NFIB: variants seen among roughly 807,000 people sequenced by gnomAD.
NFIB encodes nuclear factor 1 B-type.
In NFIB, 11 loss-of-function variants were observed where a neutral mutation model predicts 61.5. The observed-to-expected ratio is 0.18, with a 90% confidence interval of 0.11 to 0.30. NFIB has a LOEUF of 0.30. NFIB is among the 10% of genes least tolerant of loss of function. The pLI is 1.00. For synonymous variants in NFIB, 260 were observed against 216.5 expected (o/e 1.20, Z -1.76); for missense variants, 471 against 608.9 (o/e 0.77, Z 2.38).
the NFIB span, among the ~76,000 whole-genome samples, chr9:14,476,271 G>A: frequency 6.8e-6 from 1 of 148,000 alleles, no homozygotes; most frequent in Non-Finnish European, 1.5e-5. Context: ...CACCTGGGAA[G>A]ATTAAATGGG....
chr9:14,214,707 G>A (rs1484876317), intron 2 of NFIB, among the ~76,000 whole-genome samples: 1 of 152,168 alleles, frequency 6.6e-6, no homozygotes, highest in Non-Finnish European at 1.5e-5. Flanking sequence ...AATTTGTACT[G>A]TTTCCCATAT....
chr9:14,256,526 A>AG (rs1475888369), intron 2 of NFIB, among the ~76,000 whole-genome samples: 1 of 152,192 alleles, frequency 6.6e-6, no homozygotes, highest in African/African-American at 2.4e-5. Flanking sequence ...TAGAAGATAG[A>AG]GAAAAAAAGG....
intron 2 of NFIB, among the ~76,000 whole-genome samples, chr9:14,222,825 AAAAG>A (rs1265889011): frequency 2.7e-5 from 4 of 150,782 alleles, no homozygotes; most frequent in Admixed American, 6.6e-5. Context: ...AAAGAAAAGA[AAAAG>A]AAATCCGTAT....
intron 3 of NFIB, among the ~76,000 whole-genome samples, chr9:14,173,244 T>C (rs16931417): frequency 0.059 from 8,913 of 152,210 alleles, 793 homozygotes; most frequent in African/African-American, 0.19. Context: ...TTGGCTGACT[T>C]GCTCATTCTC....
chr9:14,134,275 T>A (rs943425738), intron 6 of NFIB, among the ~76,000 whole-genome samples: 1 of 152,184 alleles, frequency 6.6e-6, no homozygotes, highest in South Asian at 2.1e-4. Context: ...ATAAGATCTA[T>A]GCCAATATTT....
upstream of NFIB, among the ~76,000 whole-genome samples, chr9:14,315,342 G>A (rs867214880): frequency 6.6e-6 from 1 of 150,866 alleles, no homozygotes; most frequent in Non-Finnish European, 1.5e-5. Flanking sequence ...CTGAGCGGGA[G>A]GACCGGGCCG....
chr9:14,155,071 A>C (rs2131206896), intron 4 of NFIB, among the ~76,000 whole-genome samples: 1 of 152,290 alleles, frequency 6.6e-6, no homozygotes, highest in East Asian at 1.9e-4. Flanking sequence ...ATACCCTTCA[A>C]AGTTACATAA....
intron 1 of NFIB, among the ~76,000 whole-genome samples, chr9:14,373,302 G>T (rs1204233357): frequency 6.6e-6 from 1 of 152,186 alleles, no homozygotes; most frequent in African/African-American, 2.4e-5. Flanking sequence ...GCATTTATGA[G>T]AACTTACCTT....
the NFIB span, among the ~76,000 whole-genome samples, chr9:14,437,447 C>T: frequency 1.3e-5 from 2 of 152,182 alleles, no homozygotes; most frequent in African/African-American, 2.4e-5. Flanking sequence ...GAAGTTCCTG[C>T]TTGTGCGGGA....
chr9:14,324,357 A>C (rs2060727271), intron 1 of NFIB, among the ~76,000 whole-genome samples: 1 of 152,196 alleles, frequency 6.6e-6, no homozygotes, highest in South Asian at 2.1e-4. Flanking sequence ...ATAACACTTG[A>C]CCAACAGAAG....
chr9:14,398,523 C>T lies in NFIB; in HGVS notation c.108+1G>A. 1 of 1,531,960 alleles carries T rather than the reference C, an allele frequency of 6.5e-7. No individual in the cohort carries two copies. The highest frequency in any genetic ancestry group is 8.7e-7 in the Non-Finnish European group (1 of 1,145,032). The allele number at this position is 1,531,960 out of a possible 1,614,324, so 94.9% of individuals were successfully genotyped here. On this transcript the variant is annotated splice_donor_variant, in intron 1 of 8. Transcript: ENST00000380934. LOFTEE classifies it high-confidence loss of function. Reference sequence around the variant, plus strand: ...GTTAAATTTGTGAAATTTAGACTCACAGAAAATCCAAAGCACAGAGTTGAC... The same window carrying T: ...GTTAAATTTGTGAAATTTAGACTCATAGAAAATCCAAAGCACAGAGTTGAC...
chr9:14,390,486 A>G (rs1433995221), intron 1 of NFIB, among the ~76,000 whole-genome samples: 1 of 152,214 alleles, frequency 6.6e-6, no homozygotes, highest in East Asian at 1.9e-4. Context: ...CAAGTGTAAG[A>G]GTAAACTAAA....
At chr9:14,344,971 G>A (rs756395036) in intron 1 of NFIB, among the ~76,000 whole-genome samples, 7 of 152,114 alleles carry the variant, frequency 4.6e-5, no homozygotes, top group Non-Finnish European at 1.0e-4. Context: ...CACCCCTACA[G>A]CCTAGGCACT....
chr9:14,207,218 A>C (rs1386229127), intron 2 of NFIB, among the ~76,000 whole-genome samples: 2 of 152,224 alleles, frequency 1.3e-5, no homozygotes, highest in Non-Finnish European at 2.9e-5. Flanking sequence ...AACCCAAGCC[A>C]AACTGACCCC....
chr9:14,454,067 C>CAA, the NFIB span, among the ~76,000 whole-genome samples: 1 of 146,720 alleles, frequency 6.8e-6, no homozygotes, highest in Non-Finnish European at 1.5e-5. Flanking sequence ...GACTCCGTTT[C>CAA]AAAAAAAAAA....
At chr9:14,217,027 A>C (rs985813716) in intron 2 of NFIB, among the ~76,000 whole-genome samples, 1 of 152,232 alleles carries the variant, frequency 6.6e-6, no homozygotes, top group East Asian at 1.9e-4. Context: ...GGAAGGACTT[A>C]ATGAAATAAA....
At chr9:14,280,219 G>C (rs1588100218) in intron 2 of NFIB, among the ~76,000 whole-genome samples, 1 of 152,142 alleles carries the variant, frequency 6.6e-6, no homozygotes, top group Non-Finnish European at 1.5e-5. Flanking sequence ...TGTGTCCAAA[G>C]GCTGATTCCA....
chr9:14,239,393 G>A (rs765472560), intron 2 of NFIB, among the ~76,000 whole-genome samples: 4 of 152,160 alleles, frequency 2.6e-5, no homozygotes, highest in African/African-American at 9.7e-5. Context: ...ATAAGGTTTA[G>A]AGGTATACTT....
the NFIB span, among the ~76,000 whole-genome samples, chr9:14,481,331 G>A: frequency 1.3e-5 from 2 of 148,406 alleles, no homozygotes; most frequent in African/African-American, 5.0e-5. Context: ...GCAGCAACTG[G>A]TTTAATAAGG....
Sources: gnomAD v4.1 joint callset for allele counts (sites outside exome capture counted in the v4.1 genomes callset) on GRCh38, gnomAD v4.1.1 for gene constraint, MANE v1.5 for transcripts, NCBI Gene and HGNC (gene_info 2026-07-23, HGNC 2026-07-21) for gene names.